TENM3: variants seen among roughly 807,000 people sequenced by gnomAD.
TENM3 encodes the protein teneurin-3.
A neutral mutation model predicts 255.1 loss-of-function variants in TENM3; 63 were observed. The ratio of observed to expected loss-of-function variants is 0.25; its 90% confidence interval spans 0.20 to 0.30. The LOEUF (loss-of-function observed/expected upper bound fraction) is 0.30, where lower values mean the gene tolerates loss of function less well. TENM3 is among the 10% of genes least tolerant of loss of function. The pLI, the probability that TENM3 is intolerant of heterozygous loss-of-function variation, is 1.00. For synonymous variants in TENM3, 1,306 were observed against 1,322.3 expected (o/e 0.99, Z 0.27); for missense variants, 2,929 against 3,461.1 (o/e 0.85, Z 3.86).
chr4:182,014,015 CGTGTATATACGTATAT>C, the TENM3 span, among the ~76,000 whole-genome samples: 1 of 36,152 alleles, frequency 2.8e-5, no homozygotes, highest in Non-Finnish European at 5.6e-5. Context: ...CGTATATATA[CGTGTATATACGTATAT>C]ACACATATAT....
the TENM3 span, among the ~76,000 whole-genome samples, chr4:181,702,682 G>A: frequency 6.6e-6 from 1 of 152,068 alleles, no homozygotes; most frequent in South Asian, 2.1e-4. Flanking sequence ...AATACATAAT[G>A]TAAACATATA....
chr4:182,755,322 T>A, intron 22 of TENM3, 63 bp downstream of exon 22: 2 of 1,299,800 alleles, frequency 1.5e-6, no homozygotes, highest in Non-Finnish European at 2.1e-6. Flanking sequence ...TCATCTATAA[T>A]AACAATATAA....
At chr4:181,745,708 T>G in the TENM3 span, among the ~76,000 whole-genome samples, 1 of 152,168 alleles carries the variant, frequency 6.6e-6, no homozygotes, top group Non-Finnish European at 1.5e-5. Context: ...ATGTACAAGG[T>G]CATCAGCTGA....
the TENM3 span, among the ~76,000 whole-genome samples, chr4:181,615,476 T>C: frequency 6.6e-6 from 1 of 152,210 alleles, no homozygotes; most frequent in Non-Finnish European, 1.5e-5. Context: ...CCTTCAGTTA[T>C]AACCATGTGC....
intron 13 of TENM3, among the ~76,000 whole-genome samples, chr4:182,718,168 A>G (rs1759362271): frequency 6.6e-6 from 1 of 151,670 alleles, no homozygotes. Flanking sequence ...CTCAAACATT[A>G]TTACACGTAA....
At chr4:181,963,592 G>A in the TENM3 span, among the ~76,000 whole-genome samples, 80 of 152,238 alleles carry the variant, frequency 5.3e-4, no homozygotes, top group East Asian at 4.8e-3. Flanking sequence ...GAATTTTTGC[G>A]TGTATGAGGA....
intron 3 of TENM3, among the ~76,000 whole-genome samples, chr4:182,589,130 G>C: frequency 6.6e-6 from 1 of 152,144 alleles, no homozygotes; most frequent in East Asian, 1.9e-4. Context: ...GGAGAAAGCT[G>C]TTTTAGGAGC....
chr4:182,485,142 T>C (rs1300168347), intron 3 of TENM3, among the ~76,000 whole-genome samples: 1 of 152,176 alleles, frequency 6.6e-6, no homozygotes, highest in Non-Finnish European at 1.5e-5. Flanking sequence ...ATCAGTATTT[T>C]CTGGTAATGG....
the TENM3 span, among the ~76,000 whole-genome samples, chr4:181,541,397 A>T: frequency 1.3e-5 from 2 of 151,914 alleles, no homozygotes; most frequent in South Asian, 2.1e-4. Flanking sequence ...AAAAAAAATT[A>T]AAAAGTTCAA....
At chr4:182,663,198 A>G (rs949141063) in intron 6 of TENM3, among the ~76,000 whole-genome samples, 2 of 152,238 alleles carry the variant, frequency 1.3e-5, no homozygotes, top group Non-Finnish European at 2.9e-5. Flanking sequence ...CACTTTAGAG[A>G]TGAGATTCAT....
intron 3 of TENM3, among the ~76,000 whole-genome samples, chr4:182,425,927 GA>G (rs1183562830): frequency 6.8e-6 from 1 of 146,344 alleles, no homozygotes; most frequent in Non-Finnish European, 1.5e-5. Context: ...AGAATCACTT[GA>G]ACCCGGGAAG....
chr4:182,065,306 A>G, the TENM3 span, among the ~76,000 whole-genome samples: 1 of 152,178 alleles, frequency 6.6e-6, no homozygotes, highest in East Asian at 1.9e-4. Flanking sequence ...CAGTGCTGGG[A>G]TTACAGGCGT....
chr4:182,771,605 A>T (rs926380490), intron 22 of TENM3, among the ~76,000 whole-genome samples: 2 of 152,108 alleles, frequency 1.3e-5, no homozygotes, highest in Non-Finnish European at 2.9e-5. Context: ...ATACCATGAG[A>T]TGTGTAATCT....
At chr4:181,929,736 C>T in the TENM3 span, among the ~76,000 whole-genome samples, 4 of 152,212 alleles carry the variant, frequency 2.6e-5, no homozygotes. Flanking sequence ...ACATTCTTCT[C>T]AGCACCACAT....
the TENM3 span, among the ~76,000 whole-genome samples, chr4:181,808,952 A>G: frequency 3.0e-4 from 45 of 152,354 alleles, no homozygotes; most frequent in African/African-American, 9.6e-4. Flanking sequence ...AGTTCCTATT[A>G]GCATGTAAGC....
At chr4:181,519,769 G>A in the TENM3 span, among the ~76,000 whole-genome samples, 1 of 152,174 alleles carries the variant, frequency 6.6e-6, no homozygotes, top group Non-Finnish European at 1.5e-5. Context: ...TGGGGGCTGG[G>A]TGGAGGAATG....
At chr4:182,708,600 C>G (rs979596255) in intron 12 of TENM3, among the ~76,000 whole-genome samples, 1 of 152,080 alleles carries the variant, frequency 6.6e-6, no homozygotes. Flanking sequence ...GAGATCGAGA[C>G]CATCCTGGCT....
chr4:182,646,777 A>G (rs1752788181), intron 5 of TENM3, among the ~76,000 whole-genome samples: 1 of 152,120 alleles, frequency 6.6e-6, no homozygotes, highest in Non-Finnish European at 1.5e-5. Flanking sequence ...AAAAAATTTA[A>G]AAAGAGATAC....
the TENM3 span, among the ~76,000 whole-genome samples, chr4:181,467,786 G>A: frequency 1.3e-5 from 2 of 152,074 alleles, no homozygotes; most frequent in South Asian, 4.1e-4. Flanking sequence ...TGTTGGTGAT[G>A]TGAGTGCTTT....
Sources: gnomAD v4.1 joint callset for allele counts (sites outside exome capture counted in the v4.1 genomes callset) on GRCh38, gnomAD v4.1.1 for gene constraint, MANE v1.5 for transcripts, NCBI Gene and HGNC (gene_info 2026-07-23, HGNC 2026-07-21) for gene names.